The following WDR45B variants were observed in gnomAD, a reference collection of about 807,000 sequenced individuals.
WDR45B encodes the protein WD repeat domain 45B, also known as WD repeat domain phosphoinositide-interacting protein 3.
Under a neutral mutation model 44.6 loss-of-function variants are expected in WDR45B, and 20 were observed. That is an observed-to-expected ratio of 0.45 (90% CI 0.32 to 0.65). The LOEUF (loss-of-function observed/expected upper bound fraction) is 0.65, where lower values mean the gene tolerates loss of function less well. Among genes scored for constraint, WDR45B ranks in the 30% least tolerant of loss-of-function variants. WDR45B has a pLI of 0.05. For synonymous variants in WDR45B, 169 were observed against 164.9 expected, an observed-to-expected ratio of 1.02 and a Z score of -0.19; for missense variants, 323 against 430.2, an observed-to-expected ratio of 0.75 and a Z score of 2.20.
intron 3 of WDR45B, chr17:82,629,635 C>T: frequency 1.0e-6 from 1 of 985,486 alleles, no homozygotes; most frequent in Non-Finnish European, 1.2e-6. Context: ...GTTCCTAATT[C>T]CAAAACAAAA....
intron 1 of WDR45B, among the ~76,000 whole-genome samples, chr17:82,647,305 T>C (rs1459922153): frequency 2.0e-5 from 3 of 152,078 alleles, no homozygotes; most frequent in East Asian, 3.9e-4. Flanking sequence ...AAACAAAACT[T>C]CCAAAGCCAA....
chr17:82,616,966 C>T (rs557980003), intron 8 of WDR45B, among the ~76,000 whole-genome samples: 23 of 152,110 alleles, frequency 1.5e-4, no homozygotes, highest in Admixed American at 8.5e-4. Flanking sequence ...TACAGGCACC[C>T]GCCACCACGC....
intron 5 of WDR45B, among the ~76,000 whole-genome samples, chr17:82,622,751 T>C (rs1393607430): frequency 2.0e-5 from 3 of 151,660 alleles, no homozygotes; most frequent in Admixed American, 6.6e-5. Flanking sequence ...AGTAAGAAGA[T>C]TGCAAGACTT....
At chr17:82,616,474 G>T in intron 9 of WDR45B, 50 bp downstream of exon 9, 6 of 1,612,110 alleles carry the variant, frequency 3.7e-6, no homozygotes, top group Non-Finnish European at 5.1e-6. Flanking sequence ...TCAGTGGATG[G>T]AGCCCAGGTG....
At chr17:82,630,342 C>A (rs569277365) in intron 3 of WDR45B, among the ~76,000 whole-genome samples, 143 of 151,498 alleles carry the variant, frequency 9.4e-4, no homozygotes, top group Non-Finnish European at 1.5e-3. Flanking sequence ...TGTGTTCTGC[C>A]CTCCATTCCT....
chr17:82,639,910 C>T (rs1318588447), intron 2 of WDR45B, among the ~76,000 whole-genome samples: 7 of 21,334 alleles, frequency 3.3e-4, no homozygotes, highest in African/African-American at 1.2e-3. Flanking sequence ...GTGTGTGTGT[C>T]GGGTCAGGTG....
chr17:82,647,778 G>T (rs947286704), intron 1 of WDR45B, among the ~76,000 whole-genome samples: 4 of 152,006 alleles, frequency 2.6e-5, no homozygotes. Context: ...AAACCCAAGC[G>T]AAGTCAGCTC....
Position 82,621,558 on chromosome 17 carries a change from AG to A in WDR45B, c.618+50del, listed in dbSNP as rs2045617157. On this transcript the variant is annotated intron_variant, in intron 6 of 9. Transcript: ENST00000392325. ...GATACAGGGAATGGCCATTTTGCTGAGCCTGCTGCTCCAGGAGGCACAACAC... is the reference window on the plus strand; with the variant it reads ...GATACAGGGAATGGCCATTTTGCTGACCTGCTGCTCCAGGAGGCACAACAC... 6 of 1,610,634 alleles carry A rather than the reference AG, an allele frequency of 3.7e-6. No individual in the cohort carries two copies. In the Middle Eastern group the frequency reaches 5.6e-4, roughly 150 times the overall value.
intron 9 of WDR45B, 49 bp downstream of exon 9, chr17:82,616,461 CGCTCAGTGGATGGA>C: frequency 6.2e-7 from 1 of 1,611,298 alleles, no homozygotes; most frequent in Non-Finnish European, 8.5e-7. Flanking sequence ...TTAGGTCTGA[CGCTCAGTGGATGGA>C]GCCCAGGTGG....
intron 6 of WDR45B, among the ~76,000 whole-genome samples, chr17:82,620,372 G>C (rs1414535867): frequency 6.6e-6 from 1 of 152,232 alleles, no homozygotes; most frequent in African/African-American, 2.4e-5. Context: ...GGCGGAGGTG[G>C]CAGTGAGCTG....
chr17:82,615,932 T>A lies in WDR45B; in HGVS notation c.1022A>T (p.Asp341Val), dbSNP rs1430250431. 1.2e-6 allele frequency: 2 copies of A among 1,612,720 alleles called. No individual in the cohort carries two copies. Among genetic ancestry groups the A allele is most frequent in the Non-Finnish European group, 1.7e-6 (2 of 1,179,852 alleles). ...DVYAQFLEMT[D>V]DKL ...CCCCAGCTGGAGTCACAGCTTGTCA[T>A]CGGTCATCTCTAGAAACTGCGCGTA... Residue 341 changes from aspartate to valine, a missense_variant, in exon 10 of 10, where the codon GAT becomes GTT. Asp to Val is a radical substitution (Grantham distance 152, BLOSUM62 -3). Transcript: ENST00000392325.
chr17:82,630,898 T>C (rs2045758771), intron 3 of WDR45B, 23 bp downstream of exon 3: 3 of 1,604,942 alleles, frequency 1.9e-6, no homozygotes, highest in Non-Finnish European at 2.6e-6. Context: ...GAGGCATGAT[T>C]CTTCAATACA....
intron 2 of WDR45B, among the ~76,000 whole-genome samples, chr17:82,641,900 A>C (rs2045921367): frequency 6.6e-6 from 1 of 152,156 alleles, no homozygotes; most frequent in Non-Finnish European, 1.5e-5. Context: ...AACGTCAGAG[A>C]TAGATATGTA....
chr17:82,618,774 A>G lies in WDR45B; in HGVS notation c.704+269T>C, dbSNP rs751153654. Among the ~76,000 whole-genome samples, 3 of 152,174 alleles carry G rather than the reference A, an allele frequency of 2.0e-5. No individual in the cohort carries two copies. In the East Asian group the frequency reaches 5.8e-4, roughly 29 times the overall value. On this transcript the variant is annotated intron_variant, in intron 7 of 9. Transcript: ENST00000392325. The stretch of plus-strand genomic sequence containing the variant: ...AAAAAACAACAAAAAAAACCCACCA[A>G]CAACAAAAACCATCAAATACTAATA...
chr17:82,616,316 C>A (rs1301834644), intron 9 of WDR45B, among the ~76,000 whole-genome samples: 3 of 152,208 alleles, frequency 2.0e-5, no homozygotes, highest in African/African-American at 7.2e-5. Flanking sequence ...CTGGGGGAAA[C>A]TGGAGGGATG....
Position 82,615,613 on chromosome 17 carries a change from C to G in WDR45B, c.*306G>C, listed in dbSNP as rs1415040701. 1 of 445,784 alleles carries G rather than the reference C, an allele frequency of 2.2e-6. No individual in the cohort carries two copies. The highest frequency in any genetic ancestry group is 4.2e-6 in the Non-Finnish European group (1 of 239,230). The allele number at this position is 445,784 out of a possible 1,614,324, so 27.6% of individuals were successfully genotyped here. Reference sequence around the variant, plus strand: ...CAGTCCCCAGGTCCGTATGGAGCCCCCGTCAGTGTGAGGATGCGGCGGAGC... The same window carrying G: ...CAGTCCCCAGGTCCGTATGGAGCCCGCGTCAGTGTGAGGATGCGGCGGAGC... On this transcript the variant is annotated 3_prime_UTR_variant, in exon 10 of 10. Coordinates refer to ENST00000392325, the MANE Select transcript of WDR45B (RefSeq NM_019613.4).
At chr17:82,641,662 C>T (rs2045917511) in intron 2 of WDR45B, among the ~76,000 whole-genome samples, 2 of 152,132 alleles carry the variant, frequency 1.3e-5, no homozygotes, top group Admixed American at 1.3e-4. Flanking sequence ...TTTGGGAGGA[C>T]AAGGTGGGCG....
intron 6 of WDR45B, among the ~76,000 whole-genome samples, chr17:82,619,436 C>T (rs1231409415): frequency 1.3e-5 from 2 of 152,084 alleles, no homozygotes; most frequent in Non-Finnish European, 2.9e-5. Context: ...CCAGGAGGAA[C>T]ACCCAGGCCC....
In WDR45B at chr17:82,621,753, A is replaced by C. The variant is rs937835602; in HGVS notation, c.474T>G (p.Phe158Leu). ...CPNSNNSLLA[F>L]PGTHTGHVQL... ...GCACATGGCCCGTGTGCGTGCCCGG[A>C]AAGGCCAGGAGGGAGTTGTTACTAT... Residue 158 changes from phenylalanine to leucine, a missense_variant, in exon 6 of 10, where the codon TTT (phenylalanine) becomes TTG (leucine). Coordinates refer to ENST00000392325, the MANE Select transcript of WDR45B (RefSeq NM_019613.4). 6.2e-7 allele frequency: 1 copy of C among 1,614,158 alleles called. No individual in the cohort carries two copies. The highest frequency in any genetic ancestry group is 1.7e-5 in the Admixed American group (1 of 60,018).
Sources: gnomAD v4.1 joint callset for allele counts (sites outside exome capture counted in the v4.1 genomes callset) on GRCh38, gnomAD v4.1.1 for gene constraint, MANE v1.5 for transcripts, NCBI Gene and HGNC (gene_info 2026-07-23, HGNC 2026-07-21) for gene names.